SPATA13: variants seen among roughly 807,000 people sequenced by gnomAD.
The protein encoded by SPATA13 is spermatogenesis-associated protein 13.
A neutral mutation model predicts 104.0 loss-of-function variants in SPATA13; 50 were observed. That is an observed-to-expected ratio of 0.48 (90% CI 0.38 to 0.61). The LOEUF is 0.61. SPATA13 is among the 20% of genes least tolerant of loss of function. SPATA13 has a pLI of 0.00. For synonymous variants in SPATA13, 606 were observed against 667.5 expected (o/e 0.91, Z 1.42); for missense variants, 1,524 against 1,690.6 (o/e 0.90, Z 1.73).
intron 4 of SPATA13, among the ~76,000 whole-genome samples, chr13:24,263,058 A>G (rs935199791): frequency 6.6e-6 from 1 of 152,196 alleles, no homozygotes; most frequent in Non-Finnish European, 1.5e-5. Context: ...CAGAGACTCC[A>G]CTGAATTTTT....
chr13:24,287,458 C>T (rs112173202), intron 7 of SPATA13, among the ~76,000 whole-genome samples: 4,077 of 152,306 alleles, frequency 0.027, 79 homozygotes, highest in Non-Finnish European at 0.039. Flanking sequence ...CCAGTGTGCC[C>T]GGCCCCTCTC....
chr13:24,177,569 C>T (rs1045651613), intron 1 of SPATA13, among the ~76,000 whole-genome samples: 2 of 152,228 alleles, frequency 1.3e-5, no homozygotes, highest in Non-Finnish European at 1.5e-5. Flanking sequence ...AAGTGATTCT[C>T]CTGCCTCAGC....
At chr13:24,103,443 C>T (rs1197145167) in intron 3 of SPATA13, among the ~76,000 whole-genome samples, 1 of 140,858 alleles carries the variant, frequency 7.1e-6, no homozygotes, top group African/African-American at 2.7e-5. Flanking sequence ...TGTGATTACA[C>T]CACTGTACTC....
intron 3 of SPATA13, among the ~76,000 whole-genome samples, chr13:24,041,835 G>A (rs557625927): frequency 5.3e-5 from 8 of 152,296 alleles, no homozygotes; most frequent in East Asian, 3.9e-4. Flanking sequence ...GGCCTCAGCC[G>A]AGCAAAGGGC....
chr13:24,027,442 T>C (rs971767674), intron 3 of SPATA13, among the ~76,000 whole-genome samples: 3 of 152,104 alleles, frequency 2.0e-5, no homozygotes, highest in Admixed American at 1.3e-4. Context: ...TGCCTTTTCT[T>C]TTTTTTTCAA....
At chr13:24,265,033 G>A (rs1214736149) in intron 4 of SPATA13, among the ~76,000 whole-genome samples, 1 of 152,222 alleles carries the variant, frequency 6.6e-6, no homozygotes, top group African/African-American at 2.4e-5. Context: ...GCTCCAAGGT[G>A]AAAGCAGTTG....
In SPATA13 at chr13:24,222,980, C is replaced by A. The variant is rs1400295446; in HGVS notation, c.51C>A (p.Thr17=). ...GGGCACCCTGCCTGGAGAACATGAC[C>A]ACTGCCCCAAACGGCCTCGGGCCAG... ...RPWAPCLENM[T]TAPNGLGPGP... Residue 17 remains threonine (T), a synonymous_variant, in exon 2 of 13, where the codon ACC becomes ACA. Coordinates refer to ENST00000382108, the MANE Select transcript of SPATA13 (RefSeq NM_001166271.3). 3 of 1,551,188 alleles carry A rather than the reference C, an allele frequency of 1.9e-6. No individual in the cohort carries two copies. In the African/African-American group the frequency reaches 4.1e-5, roughly 21 times the overall value.
At chr13:24,282,970 C>T (rs1169214708) in intron 4 of SPATA13, among the ~76,000 whole-genome samples, 1 of 152,212 alleles carries the variant, frequency 6.6e-6, no homozygotes, top group East Asian at 1.9e-4. Context: ...CTTCCTTTCT[C>T]CAAACCCTGG....
chr13:24,220,690 G>A (rs1422515344), intron 1 of SPATA13, among the ~76,000 whole-genome samples: 4 of 152,206 alleles, frequency 2.6e-5, no homozygotes, highest in East Asian at 1.9e-4. Context: ...TGCAGAGGGC[G>A]TGTGGTAGCC....
intron 3 of SPATA13, among the ~76,000 whole-genome samples, chr13:24,025,956 C>G (rs932648480): frequency 1.3e-5 from 2 of 152,070 alleles, no homozygotes; most frequent in Admixed American, 1.3e-4. Context: ...AGGCATATAG[C>G]ACCACGCCTG....
At chr13:23,997,716 A>G (rs558189132) in intron 2 of SPATA13, among the ~76,000 whole-genome samples, 33 of 152,140 alleles carry the variant, frequency 2.2e-4, no homozygotes, top group Non-Finnish European at 4.6e-4. Context: ...CAGGCGTGTC[A>G]CATGGCAAGA....
chr13:24,190,918 A>G lies in SPATA13; in HGVS notation c.-112+29986A>G, dbSNP rs555362221. On this transcript the variant is annotated intron_variant, in intron 1 of 12. Coordinates refer to ENST00000382108, the MANE Select transcript of SPATA13 (RefSeq NM_001166271.3). ...GTATCGCATCCTGTAGAGAAATCCTATATGAAGGAAGAGTCAACAAATGCA... is the reference window on the plus strand; with the variant it reads ...GTATCGCATCCTGTAGAGAAATCCTGTATGAAGGAAGAGTCAACAAATGCA... Among the ~76,000 whole-genome samples the G allele has an allele frequency of 5.9e-5, 9 of 152,316 alleles. No individual in the cohort carries two copies. In the East Asian group the frequency reaches 1.5e-3, roughly 26 times the overall value.
chr13:24,063,376 C>T (rs946590511), intron 3 of SPATA13, among the ~76,000 whole-genome samples: 1 of 152,124 alleles, frequency 6.6e-6, no homozygotes, highest in Non-Finnish European at 1.5e-5. Flanking sequence ...ATGGCTAAAT[C>T]GAGCTACTTA....
chr13:23,996,416 CG>C (rs1875696738), intron 2 of SPATA13, among the ~76,000 whole-genome samples: 1 of 151,732 alleles, frequency 6.6e-6, no homozygotes, highest in Admixed American at 6.6e-5. Context: ...GGGCAAAAAA[CG>C]ATCTGCAAAT....
chr13:24,114,819 C>T (rs1177817721), intron 3 of SPATA13, among the ~76,000 whole-genome samples: 3 of 152,104 alleles, frequency 2.0e-5, no homozygotes, highest in Admixed American at 6.6e-5. Flanking sequence ...TGCACCACCA[C>T]GCCTGGCTAA....
intron 2 of SPATA13, among the ~76,000 whole-genome samples, chr13:24,228,863 T>C (rs977942922): frequency 6.6e-6 from 1 of 152,252 alleles, no homozygotes; most frequent in African/African-American, 2.4e-5. Context: ...GAATAATTTT[T>C]ATTTAGAATC....
intron 1 of SPATA13, among the ~76,000 whole-genome samples, chr13:24,206,611 G>C (rs1870709494): frequency 6.6e-6 from 1 of 152,080 alleles, no homozygotes. Flanking sequence ...ATACATGCGG[G>C]CCAGGCACGG....
chr13:24,077,157 T>G (rs1593314865), intron 3 of SPATA13, among the ~76,000 whole-genome samples: 1 of 150,502 alleles, frequency 6.6e-6, no homozygotes, highest in East Asian at 2.0e-4. Flanking sequence ...GTTTCTACCA[T>G]GCAGGCCATG....
intron 3 of SPATA13, among the ~76,000 whole-genome samples, chr13:24,042,639 G>A (rs527650482): frequency 1.4e-4 from 22 of 152,248 alleles, no homozygotes; most frequent in Non-Finnish European, 2.8e-4. Flanking sequence ...CATTACCAGG[G>A]GGTAAACCTT....
Sources: allele counts gnomAD v4.1 joint callset (sites outside exome capture counted in the v4.1 genomes callset), GRCh38; gene constraint gnomAD v4.1.1; transcripts MANE v1.5; gene names NCBI Gene and HGNC (gene_info 2026-07-23, HGNC 2026-07-21).